The following AFF3 variants were observed in gnomAD, a reference collection of about 807,000 sequenced individuals.
AFF3 encodes the protein AF4/FMR2 family member 3.
In AFF3, 32 loss-of-function variants were observed where a neutral mutation model predicts 129.7. The ratio of observed to expected loss-of-function variants is 0.25; its 90% CI spans 0.19 to 0.33. The LOEUF is 0.33. AFF3 is among the 10% of genes least tolerant of loss of function. The pLI is 1.00. For synonymous variants in AFF3, 644 were observed against 635.4 expected (o/e 1.01, Z -0.20); for missense variants, 1,373 against 1,592.0 (o/e 0.86, Z 2.34).
At chr2:99,614,219 A>G (rs892274391) in intron 13 of AFF3, among the ~76,000 whole-genome samples, 1 of 152,228 alleles carries the variant, frequency 6.6e-6, no homozygotes, top group Non-Finnish European at 1.5e-5. Context: ...GAAACCTTCT[A>G]TTGGCCGTAG....
intron 7 of AFF3, 117 bp downstream of exon 7, chr2:100,006,515 C>A: frequency 7.7e-7 from 1 of 1,303,730 alleles, no homozygotes; most frequent in Non-Finnish European, 1.0e-6. Flanking sequence ...ACAAATCCTA[C>A]CACATGAAGT....
chr2:99,593,265 C>G lies in AFF3; in HGVS notation c.2396G>C (p.Ser799Thr). 6.2e-7 allele frequency: 1 copy of G among 1,613,370 alleles called. No individual in the cohort carries two copies. The highest frequency in any genetic ancestry group is 8.5e-7 in the Non-Finnish European group (1 of 1,179,474). The change falls in exon 15 of 25, where the codon AGC becomes ACC. Residue 799 changes from serine to threonine, a missense_variant. Transcript: ENST00000672756. ...LSAPATKDSE[S>T]APPSHTSDTP... ...GTCCGAGGTGTGGCTGGGCGGTGCG[C>G]TCTCAGAGTCCTTGGTGGCAGGGGC...
At chr2:99,746,398 A>C (rs1040222438) in intron 9 of AFF3, among the ~76,000 whole-genome samples, 1 of 152,232 alleles carries the variant, frequency 6.6e-6, no homozygotes, top group Non-Finnish European at 1.5e-5. Context: ...TGCTTTAAAA[A>C]GAAATTCTAC....
intron 2 of AFF3, among the ~76,000 whole-genome samples, chr2:100,120,894 T>A (rs958566303): frequency 1.3e-5 from 2 of 152,156 alleles, no homozygotes; most frequent in Non-Finnish European, 2.9e-5. Context: ...TGCCTCAGTC[T>A]CCATGAGTAG....
intron 11 of AFF3, among the ~76,000 whole-genome samples, chr2:99,690,576 G>C (rs1210974059): frequency 6.6e-6 from 1 of 152,128 alleles, no homozygotes; most frequent in African/African-American, 2.4e-5. Flanking sequence ...CCAGCAGCAG[G>C]AAGGGCTCAA....
intron 13 of AFF3, among the ~76,000 whole-genome samples, chr2:99,632,923 C>T (rs948393280): frequency 6.6e-6 from 1 of 152,112 alleles, no homozygotes; most frequent in Non-Finnish European, 1.5e-5. Context: ...GCCACCCTAA[C>T]CATGGAGGTG....
intron 13 of AFF3, among the ~76,000 whole-genome samples, chr2:99,635,837 G>A (rs1428079124): frequency 1.3e-5 from 2 of 152,152 alleles, no homozygotes; most frequent in African/African-American, 4.8e-5. Flanking sequence ...GGGATGAAAT[G>A]GGATGATGGC....
At chr2:99,723,958 GA>G (rs1273926935) in intron 11 of AFF3, among the ~76,000 whole-genome samples, 19 of 152,244 alleles carry the variant, frequency 1.2e-4, no homozygotes. Flanking sequence ...AGAGGCCGGG[GA>G]TAACTCCTCT....
chr2:100,015,045 C>T (rs1682896490), intron 4 of AFF3, among the ~76,000 whole-genome samples: 1 of 148,624 alleles, frequency 6.7e-6, no homozygotes, highest in African/African-American at 2.5e-5. Flanking sequence ...ACCTCATGAT[C>T]CGCCTGCCTT....
intron 8 of AFF3, among the ~76,000 whole-genome samples, chr2:99,781,769 AAAG>A (rs764298379): frequency 4.6e-5 from 7 of 152,228 alleles, no homozygotes; most frequent in Non-Finnish European, 7.3e-5. Context: ...GAATGAAATA[AAAG>A]AAGAAACCAA....
At chr2:99,706,428 C>T (rs1465099443) in intron 11 of AFF3, among the ~76,000 whole-genome samples, 1 of 152,234 alleles carries the variant, frequency 6.6e-6, no homozygotes, top group Non-Finnish European at 1.5e-5. Flanking sequence ...GCTGATGGTT[C>T]CCTGTGGCTT....
intron 1 of AFF3, among the ~76,000 whole-genome samples, chr2:100,134,569 C>T (rs1220604114): frequency 6.6e-6 from 1 of 152,188 alleles, no homozygotes; most frequent in Non-Finnish European, 1.5e-5. Flanking sequence ...AAAAAACTAT[C>T]ATCCCAAGAT....
At chr2:99,762,047 C>T (rs747791953) in intron 8 of AFF3, among the ~76,000 whole-genome samples, 3 of 152,094 alleles carry the variant, frequency 2.0e-5, no homozygotes, top group Non-Finnish European at 4.4e-5. Context: ...TCTTTCTCAT[C>T]CTGGCCTGTC....
chr2:99,668,711 TG>T (rs201310900), intron 12 of AFF3, among the ~76,000 whole-genome samples: 9,002 of 151,892 alleles, frequency 0.059, 873 homozygotes, highest in African/African-American at 0.2. Context: ...TACAGGCACA[TG>T]CACCACGCCT....
At chr2:99,684,694 C>T (rs1674871968) in intron 11 of AFF3, among the ~76,000 whole-genome samples, 1 of 151,624 alleles carries the variant, frequency 6.6e-6, no homozygotes, top group African/African-American at 2.4e-5. Context: ...TCACTGTAGC[C>T]TCAACCTCCT....
chr2:99,764,544 T>C (rs1558828081), intron 8 of AFF3, among the ~76,000 whole-genome samples: 2 of 152,182 alleles, frequency 1.3e-5, no homozygotes, highest in Non-Finnish European at 2.9e-5. Context: ...ACAATAAAAA[T>C]GAAACATTAA....
chr2:99,609,746 C>G (rs1680733487), intron 13 of AFF3, among the ~76,000 whole-genome samples: 2 of 152,180 alleles, frequency 1.3e-5, no homozygotes, highest in South Asian at 4.1e-4. Context: ...CCCAGTTACT[C>G]CCAAGGTTAA....
chr2:99,682,198 C>A (rs2204323), intron 11 of AFF3, among the ~76,000 whole-genome samples: 10,665 of 152,192 alleles, frequency 0.07, 439 homozygotes, highest in East Asian at 0.11. Context: ...TGAGCCACCA[C>A]ACCTGGCCAC....
rs769515217 is a variant in AFF3 at position 99,593,990 on chromosome 2, C to CGCCACG, written c.1665_1670dup (p.Ala557_Val558dup). On this transcript the variant is annotated inframe_insertion, in exon 15 of 25. Transcript: ENST00000672756. ...CGGGTGGCGGGGCGGCTGCGCTCACCGCCACGGCCACGGCCGCGGGCGGGG... is the reference window on the plus strand; with the variant it reads ...CGGGTGGCGGGGCGGCTGCGCTCACCGCCACGGCCACGGCCACGGCCGCGGGCGGGG... 8.8e-5 allele frequency: 134 copies of CGCCACG among 1,531,254 alleles called. No individual in the cohort carries two copies. The highest frequency in any genetic ancestry group is 6.2e-5 in the Admixed American group (3 of 48,344). 94.9% of individuals were successfully genotyped at this position (1,531,254 alleles called of 1,614,324 possible).
Sources: allele counts gnomAD v4.1 joint callset (sites outside exome capture counted in the v4.1 genomes callset), GRCh38; gene constraint gnomAD v4.1.1; transcripts MANE v1.5; gene names NCBI Gene and HGNC (gene_info 2026-07-23, HGNC 2026-07-21).